Variants in SYNE2 observed in about 807,000 individuals in gnomAD.
The protein encoded by SYNE2 is spectrin repeat containing nuclear envelope protein 2.
In SYNE2, 431 loss-of-function variants were observed where a neutral mutation model predicts 856.3. That is an observed-to-expected ratio of 0.50 (90% CI 0.47 to 0.55). The LOEUF is 0.55. SYNE2 is among the 20% of genes least tolerant of loss of function. The pLI is 0.00. For synonymous variants in SYNE2, 2,923 were observed against 2,872.3 expected, an observed-to-expected ratio of 1.02 and a Z score of -0.56; for missense variants, 8,129 against 8,023.2, an observed-to-expected ratio of 1.01 and a Z score of -0.50.
chr14:64,092,208 G>T (rs925317932), intron 60 of SYNE2, among the ~76,000 whole-genome samples: 2 of 152,166 alleles, frequency 1.3e-5, no homozygotes, highest in Non-Finnish European at 2.9e-5. Context: ...CTTTCAAGTG[G>T]CTTCTTCACA....
At position 63,807,819 on chromosome 14, in the gene SYNE2, TTATATATATATATATATATATATATA is replaced by T. The variant is rs71120288; in HGVS notation, c.-304-44661_-304-44636del. On this transcript the variant is annotated intron_variant, in intron 1 of 23. Transcript: ENST00000674003. Reference sequence around the variant, plus strand: ...ACAGGCATGAACTACTACTCCAGGCTTATATATATATATATATATATATATATATATATATATATATATATAATTTC... The same window carrying T: ...ACAGGCATGAACTACTACTCCAGGCTTATATATATATATATATATAATTTC... 3.2e-3 allele frequency among the ~76,000 whole-genome samples: 82 copies of T among 25,480 alleles called. 2 individuals carry two copies. The highest frequency in any genetic ancestry group is 0.031 in the Middle Eastern group (1 of 32). The allele number at this position is 25,480 out of a possible 152,430, so 16.7% of individuals were successfully genotyped here.
intron 1 of SYNE2, among the ~76,000 whole-genome samples, chr14:63,854,855 TA>T (rs922219747): frequency 6.6e-6 from 1 of 152,226 alleles, no homozygotes; most frequent in Non-Finnish European, 1.5e-5. Context: ...CTCACTAGCA[TA>T]AGGTGAGAGT....
intron 96 of SYNE2, among the ~76,000 whole-genome samples, chr14:64,181,812 A>G (rs1287834233): frequency 6.6e-6 from 1 of 152,260 alleles, no homozygotes; most frequent in East Asian, 1.9e-4. Context: ...TAATTTCCTT[A>G]CATATATGTT....
intron 49 of SYNE2, 75 bp downstream of exon 49, chr14:64,056,341 A>G (rs1423707250): frequency 1.5e-6 from 2 of 1,328,986 alleles, no homozygotes; most frequent in African/African-American, 1.5e-5. Context: ...ATATTTTAAT[A>G]GTTTTAAGAA....
At chr14:64,086,702 C>CTTTT (rs56168321) in intron 57 of SYNE2, among the ~76,000 whole-genome samples, 5 of 64,656 alleles carry the variant, frequency 7.7e-5, no homozygotes, top group South Asian at 8.4e-4. Context: ...GTATGCAGGT[C>CTTTT]TTTTTTTTTT....
At chr14:63,824,638 C>A (rs868208125) in intron 1 of SYNE2, among the ~76,000 whole-genome samples, 668 of 129,288 alleles carry the variant, frequency 5.2e-3, no homozygotes, top group Admixed American at 5.4e-3. Flanking sequence ...GAATCTGTCT[C>A]AAAAAAAAAA....
At chr14:64,084,950 T>C (rs1034434694) in intron 57 of SYNE2, 1 of 702,136 alleles carries the variant, frequency 1.4e-6, no homozygotes, top group Non-Finnish European at 2.6e-6. Context: ...CCTCAAAAGA[T>C]CTGCTTCTAC....
intron 1 of SYNE2, among the ~76,000 whole-genome samples, chr14:63,801,691 T>C (rs939611202): frequency 1.3e-5 from 2 of 151,870 alleles, no homozygotes; most frequent in Non-Finnish European, 2.9e-5. Flanking sequence ...AAAAGTAGTA[T>C]AAAGAAATAA....
chr14:63,952,805 C>G (rs1357698793), intron 7 of SYNE2, among the ~76,000 whole-genome samples: 1 of 152,130 alleles, frequency 6.6e-6, no homozygotes, highest in Non-Finnish European at 1.5e-5. Context: ...ACAGGAAAAC[C>G]CAGGTCATCT....
chr14:64,223,343 A>G lies in SYNE2; in HGVS notation c.20345A>G (p.Gln6782Arg). 1.9e-6 allele frequency: 3 copies of G among 1,614,150 alleles called. No individual in the cohort carries two copies. Among genetic ancestry groups the G allele is most frequent in the Non-Finnish European group, 2.5e-6 (3 of 1,180,000 alleles). The change falls in exon 113 of 116, where the codon CAA (glutamine) becomes CGA (arginine). Residue 6782 changes from glutamine to arginine, a missense_variant. Transcript: ENST00000555002. ...IEKKLKQLRE[Q>R]VSQDLMALQG... The stretch of plus-strand genomic sequence containing the variant: ...AAGAAACTCAAACAGTTACGGGAGC[A>G]AGTGTCCCAAGATTTAATGGCCTTG...
intron 66 of SYNE2, among the ~76,000 whole-genome samples, chr14:64,115,266 A>G (rs76981216): frequency 0.044 from 6,684 of 152,206 alleles, 183 homozygotes; most frequent in Non-Finnish European, 0.047. Context: ...AACAAGCTTT[A>G]TTTGGGCAGC....
Position 64,225,624 on chromosome 14 carries a change from G to T in SYNE2, c.*98G>T. 1 of 1,341,272 alleles carries T rather than the reference G, an allele frequency of 7.5e-7. No individual in the cohort carries two copies. Among genetic ancestry groups the T allele is most frequent in the Non-Finnish European group, 1.1e-6 (1 of 952,368 alleles). The allele number at this position is 1,341,272 out of a possible 1,614,324, so 83.1% of individuals were successfully genotyped here. ...ATCTGAGTGACTTAGTGTTGGCAAG[G>T]TCCCGGGACCTGTGCAGACTTCTTC... On this transcript the variant is annotated 3_prime_UTR_variant, in exon 116 of 116. Coordinates refer to ENST00000555002, the MANE Select transcript of SYNE2 (RefSeq NM_182914.3).
intron 7 of SYNE2, among the ~76,000 whole-genome samples, chr14:63,953,527 TAGATAGAGAGAG>T (rs1420471308): frequency 3.0e-5 from 2 of 67,384 alleles, no homozygotes; most frequent in South Asian, 7.3e-4. Flanking sequence ...GATAAATAGA[TAGATAGAGAGAG>T]AGAGAGATAG....
At chr14:63,840,811 G>A (rs975886278) in intron 1 of SYNE2, among the ~76,000 whole-genome samples, 5 of 152,056 alleles carry the variant, frequency 3.3e-5, no homozygotes, top group African/African-American at 1.2e-4. Context: ...TCGGGAGTTT[G>A]AGACCAGCCT....
Position 64,099,263 on chromosome 14 carries a change from G to T in SYNE2, c.12381+442G>T, listed in dbSNP as rs10149623. On this transcript the variant is annotated intron_variant, in intron 63 of 115. Coordinates refer to ENST00000555002, the MANE Select transcript of SYNE2 (RefSeq NM_182914.3). The stretch of plus-strand genomic sequence containing the variant: ...GAATTTGTACTACTTGATTATAACT[G>T]GTTGAATGAGACATTTTCAGTTGTC... The T allele has an allele frequency of 2.3e-5, 4 of 176,924 alleles. No individual in the cohort carries two copies. The East Asian group carries it at 4.8e-4, about 21-fold the overall frequency. The allele number at this position is 176,924 out of a possible 1,614,324, so 11.0% of individuals were successfully genotyped here. A position where few individuals can be genotyped will look rare whatever the true frequency, so the allele number is the denominator to read the frequency against.
rs753852249 is a variant in SYNE2, at chr14:64,062,905, T to C, written c.10212+10T>C. ...CTTGGAACAGAGCAAGGTAATAGTA[T>C]TGGCAATTAGCCAGTAAGTCTGTGT... On this transcript the variant is annotated intron_variant, in intron 50 of 115. Transcript: ENST00000555002. 6.2e-6 allele frequency: 10 copies of C among 1,614,128 alleles called. No homozygotes were observed. The highest frequency in any genetic ancestry group is 8.5e-6 in the Non-Finnish European group (10 of 1,180,016).
intron 101 of SYNE2, 74 bp downstream of exon 101, chr14:64,209,019 A>G: frequency 6.5e-7 from 1 of 1,533,036 alleles, no homozygotes; most frequent in Non-Finnish European, 8.9e-7. Flanking sequence ...CCTCATTCAC[A>G]GTAACTATTC....
intron 1 of SYNE2, among the ~76,000 whole-genome samples, chr14:63,907,550 A>G (rs2095422901): frequency 6.6e-6 from 1 of 152,180 alleles, no homozygotes; most frequent in African/African-American, 2.4e-5. Context: ...CAGTGCCTGT[A>G]TACAGTAAGT....
At chr14:64,148,062 A>T (rs2098203279) in intron 84 of SYNE2, among the ~76,000 whole-genome samples, 2 of 152,172 alleles carry the variant, frequency 1.3e-5, no homozygotes, top group African/African-American at 4.8e-5. Context: ...GTATAATCCC[A>T]GCACTTTGGG....
Sources: gnomAD v4.1 joint callset for allele counts (sites outside exome capture counted in the v4.1 genomes callset) on GRCh38, gnomAD v4.1.1 for gene constraint, MANE v1.5 for transcripts, NCBI Gene and HGNC (gene_info 2026-07-23, HGNC 2026-07-21) for gene names.